GPC5: variants seen among roughly 807,000 people sequenced by gnomAD.
The protein encoded by GPC5 is glypican 5.
GPC5 carries 47 observed loss-of-function variants against 53.9 expected under a neutral mutation model. The observed-to-expected ratio is 0.87, with a 90% CI of 0.69 to 1.11. GPC5 has a LOEUF of 1.11. Ranked by LOEUF, GPC5 falls within the 50% of genes most tolerant of loss-of-function variation. The pLI is 0.00. For missense variants in GPC5, 748 were observed against 713.1 expected (o/e 1.05, Z -0.56); for synonymous variants, 286 against 263.3 (o/e 1.09, Z -0.84).
intron 7 of GPC5, among the ~76,000 whole-genome samples, chr13:92,827,788 G>C (rs1877903137): frequency 6.6e-6 from 1 of 152,100 alleles, no homozygotes; most frequent in Non-Finnish European, 1.5e-5. Flanking sequence ...AGAGGACACA[G>C]AACACACCAC....
chr13:91,748,098 T>C (rs1408332861), intron 4 of GPC5, among the ~76,000 whole-genome samples: 1 of 152,218 alleles, frequency 6.6e-6, no homozygotes, highest in Non-Finnish European at 1.5e-5. Context: ...GATGACAATG[T>C]ATAGATAGGA....
intron 7 of GPC5, among the ~76,000 whole-genome samples, chr13:92,858,466 G>C (rs1354170173): frequency 6.6e-6 from 1 of 152,060 alleles, no homozygotes; most frequent in Admixed American, 6.6e-5. Flanking sequence ...AACTAATACA[G>C]ACACCATGCA....
chr13:91,887,973 A>AT (rs2039343537), intron 5 of GPC5, among the ~76,000 whole-genome samples: 1 of 152,124 alleles, frequency 6.6e-6, no homozygotes, highest in Non-Finnish European at 1.5e-5. Context: ...TCGCTGCCAC[A>AT]TTTTTGGGTA....
chr13:92,332,411 T>C (rs536661910), intron 7 of GPC5, among the ~76,000 whole-genome samples: 20 of 152,298 alleles, frequency 1.3e-4, no homozygotes, highest in African/African-American at 4.3e-4. Context: ...GTTAATTGCA[T>C]GGGATTTAAA....
At chr13:91,441,293 T>C (rs989750025) in intron 1 of GPC5, among the ~76,000 whole-genome samples, 1 of 152,226 alleles carries the variant, frequency 6.6e-6, no homozygotes, top group African/African-American at 2.4e-5. Flanking sequence ...GGCAGGGAAC[T>C]TGAGTAGCCA....
intron 7 of GPC5, among the ~76,000 whole-genome samples, chr13:92,640,610 G>C (rs1015594003): frequency 7.9e-5 from 12 of 152,104 alleles, no homozygotes; most frequent in African/African-American, 2.7e-4. Flanking sequence ...GAGCCTCTTG[G>C]AGAAATGTCT....
intron 6 of GPC5, among the ~76,000 whole-genome samples, chr13:91,956,144 G>C (rs948995139): frequency 2.6e-5 from 4 of 151,962 alleles, no homozygotes; most frequent in Non-Finnish European, 5.9e-5. Context: ...CCTGAAGACA[G>C]GCCCACCCAG....
intron 6 of GPC5, among the ~76,000 whole-genome samples, chr13:91,974,375 G>C (rs1304589378): frequency 3.3e-5 from 5 of 152,108 alleles, no homozygotes; most frequent in Non-Finnish European, 7.4e-5. Flanking sequence ...AAAACCCATT[G>C]TCTCAGCTCA....
intron 7 of GPC5, among the ~76,000 whole-genome samples, chr13:92,731,165 GA>G (rs1322627376): frequency 6.6e-6 from 1 of 151,314 alleles, no homozygotes; most frequent in East Asian, 1.9e-4. Flanking sequence ...AGAAAAAGAG[GA>G]AAAACAAAAT....
At chr13:92,023,570 T>C (rs1012006873) in intron 6 of GPC5, among the ~76,000 whole-genome samples, 3 of 151,894 alleles carry the variant, frequency 2.0e-5, no homozygotes, top group Non-Finnish European at 2.9e-5. Flanking sequence ...ATTTTGGAGT[T>C]ATTCAGCTAA....
intron 6 of GPC5, chr13:91,996,075 CA>C (rs1338351503): frequency 6.6e-6 from 1 of 152,190 alleles, no homozygotes; most frequent in African/African-American, 2.4e-5. Context: ...GACTCAGGGG[CA>C]AAAGGTAAGA....
chr13:91,860,450 TA>T (rs536718776), intron 5 of GPC5, among the ~76,000 whole-genome samples: 9 of 100,382 alleles, frequency 9.0e-5, no homozygotes, highest in East Asian at 4.1e-4. Context: ...TATATATATC[TA>T]TCCTTCCTTC....
rs184739311 is a variant in GPC5, at chr13:92,296,929, G to A, written c.1561+151940G>A. 1.4e-4 allele frequency among the ~76,000 whole-genome samples: 22 copies of A among 152,312 alleles called. No homozygotes were observed. In the East Asian group the frequency reaches 1.9e-3, roughly 13 times the overall value. On this transcript the variant is annotated intron_variant, in intron 7 of 7. Transcript: ENST00000377067. ...GGGCAGGGCTCGGGACCTGCAGCCC[G>A]CCATGCCTGAGCCTCCCACCCCCTC...
intron 6 of GPC5, among the ~76,000 whole-genome samples, chr13:91,971,317 C>CT (rs1464716631): frequency 1.3e-5 from 2 of 151,916 alleles, no homozygotes; most frequent in East Asian, 3.9e-4. Flanking sequence ...GTGATATCCC[C>CT]TTTATCATTT....
At chr13:91,802,062 T>C (rs1460246577) in intron 5 of GPC5, among the ~76,000 whole-genome samples, 1 of 152,234 alleles carries the variant, frequency 6.6e-6, no homozygotes, top group Non-Finnish European at 1.5e-5. Context: ...TCAGATCTTA[T>C]AGAGCAATAT....
At chr13:92,446,154 CTT>C (rs1162590956) in intron 7 of GPC5, among the ~76,000 whole-genome samples, 1 of 151,740 alleles carries the variant, frequency 6.6e-6, no homozygotes, top group East Asian at 1.9e-4. Flanking sequence ...ACTATAGTCA[CTT>C]TGTGCTATAA....
At chr13:92,124,276 A>C (rs2041676417) in intron 6 of GPC5, among the ~76,000 whole-genome samples, 1 of 145,558 alleles carries the variant, frequency 6.9e-6, no homozygotes, top group Admixed American at 6.9e-5. Flanking sequence ...AAAAAAAACT[A>C]GTTCTCTCAT....
At chr13:92,590,804 T>C (rs2139066862) in intron 7 of GPC5, among the ~76,000 whole-genome samples, 1 of 152,340 alleles carries the variant, frequency 6.6e-6, no homozygotes, top group East Asian at 1.9e-4. Context: ...TTTCCATTTG[T>C]CAAGATCTGC....
At chr13:91,803,783 C>CAG (rs1368545273) in intron 5 of GPC5, among the ~76,000 whole-genome samples, 4 of 129,534 alleles carry the variant, frequency 3.1e-5, no homozygotes, top group Admixed American at 1.5e-4. Context: ...GACAGACAGA[C>CAG]ACACACACAC....
Sources: allele counts gnomAD v4.1 joint callset (sites outside exome capture counted in the v4.1 genomes callset), GRCh38; gene constraint gnomAD v4.1.1; transcripts MANE v1.5; gene names NCBI Gene and HGNC (gene_info 2026-07-23, HGNC 2026-07-21).